Variants in SLC16A7 observed in about 807,000 individuals in gnomAD.
SLC16A7 encodes solute carrier family 16 member 7, also known as monocarboxylate transporter 2.
A neutral mutation model predicts 34.9 loss-of-function variants in SLC16A7; 33 were observed. The observed-to-expected ratio is 0.94, with a 90% CI of 0.72 to 1.26. The LOEUF is 1.26. Ranked by LOEUF, SLC16A7 falls within the 50% of genes most tolerant of loss-of-function variation. The pLI, the probability that SLC16A7 is intolerant of heterozygous loss-of-function variation, is 0.00. For synonymous variants in SLC16A7, 201 were observed against 206.6 expected (o/e 0.97, Z 0.23); for missense variants, 573 against 578.1 (o/e 0.99, Z 0.09).
intron 3 of SLC16A7, among the ~76,000 whole-genome samples, chr12:59,718,284 G>A (rs1875158922): frequency 6.6e-6 from 1 of 152,022 alleles, no homozygotes; most frequent in South Asian, 2.1e-4. Context: ...TTTAAGTAAA[G>A]AGCCTGCATA....
chr12:59,739,264 A>T (rs1261679990), intron 3 of SLC16A7, among the ~76,000 whole-genome samples: 2 of 133,916 alleles, frequency 1.5e-5, no homozygotes, highest in South Asian at 4.9e-4. Context: ...TCATTGTTCA[A>T]TTCCCACCTA....
chr12:59,733,621 C>A, intron 3 of SLC16A7: 1 of 433,298 alleles, frequency 2.3e-6, no homozygotes, highest in Non-Finnish European at 4.6e-6. Context: ...TCCCAAAGGG[C>A]CACAGCTCCT....
chr12:59,779,407 G>GTTCT lies in SLC16A7; in HGVS notation c.1181-13_1181-10dup. 1.3e-6 allele frequency: 2 copies of GTTCT among 1,550,682 alleles called. No individual in the cohort carries two copies. The highest frequency in any genetic ancestry group is 1.7e-6 in the Non-Finnish European group (2 of 1,143,134). On this transcript the variant is annotated splice_polypyrimidine_tract_variant and intron_variant, in intron 5 of 5. Coordinates refer to ENST00000547379, the MANE Select transcript of SLC16A7 (RefSeq NM_001270623.2). ...GTTTTATTATGCCAACTTAAAAGATGTTCTTTGTCTTCTAGGTAAATTGGT... is the reference window on the plus strand; with the variant it reads ...GTTTTATTATGCCAACTTAAAAGATGTTCTTTCTTTGTCTTCTAGGTAAATTGGT...
chr12:59,610,475 T>G (rs2136966244), intron 1 of SLC16A7, among the ~76,000 whole-genome samples: 1 of 152,354 alleles, frequency 6.6e-6, no homozygotes, highest in Admixed American at 6.5e-5. Flanking sequence ...TTGAATATTG[T>G]TTTCTTCTTT....
intron 2 of SLC16A7, among the ~76,000 whole-genome samples, chr12:59,669,209 G>A (rs893587636): frequency 6.6e-6 from 1 of 152,094 alleles, no homozygotes; most frequent in African/African-American, 2.4e-5. Flanking sequence ...AAAATTTAAA[G>A]TATGAATAAT....
At chr12:59,599,176 G>C (rs1878568190) in intron 1 of SLC16A7, among the ~76,000 whole-genome samples, 1 of 152,164 alleles carries the variant, frequency 6.6e-6, no homozygotes, top group Non-Finnish European at 1.5e-5. Flanking sequence ...CAGAACAACT[G>C]ATTATAGAAA....
At chr12:59,628,497 G>A (rs780141070) in intron 1 of SLC16A7, among the ~76,000 whole-genome samples, 4 of 151,622 alleles carry the variant, frequency 2.6e-5, no homozygotes, top group South Asian at 2.1e-4. Flanking sequence ...AAATTACGCC[G>A]GAGTCCCATA....
chr12:59,697,081 A>T (rs1872384291), intron 2 of SLC16A7, among the ~76,000 whole-genome samples: 1 of 152,000 alleles, frequency 6.6e-6, no homozygotes, highest in African/African-American at 2.4e-5. Flanking sequence ...GTAGCATCTG[A>T]GAAAATAGCT....
chr12:59,742,724 C>T (rs75140297), intron 3 of SLC16A7, among the ~76,000 whole-genome samples: 3 of 152,136 alleles, frequency 2.0e-5, no homozygotes, highest in Admixed American at 2.0e-4. Flanking sequence ...ATATTTTAGG[C>T]TCTGCTGAAA....
At chr12:59,597,880 A>G (rs1019047791) in intron 1 of SLC16A7, among the ~76,000 whole-genome samples, 6 of 152,216 alleles carry the variant, frequency 3.9e-5, no homozygotes, top group Non-Finnish European at 1.5e-5. Context: ...CCCCCAAGGC[A>G]TGTTTGAATA....
chr12:59,644,500 G>A (rs1324002889), intron 1 of SLC16A7, among the ~76,000 whole-genome samples: 1 of 152,152 alleles, frequency 6.6e-6, no homozygotes, highest in Non-Finnish European at 1.5e-5. Flanking sequence ...CTTGGAGGTG[G>A]AAACTGCAGT....
intron 3 of SLC16A7, among the ~76,000 whole-genome samples, chr12:59,712,895 T>C (rs1049929827): frequency 1.3e-5 from 2 of 152,206 alleles, no homozygotes; most frequent in African/African-American, 2.4e-5. Flanking sequence ...GGATATATGA[T>C]AGATACATGT....
intron 1 of SLC16A7, among the ~76,000 whole-genome samples, chr12:59,645,232 T>A (rs1223061660): frequency 6.6e-6 from 1 of 152,122 alleles, no homozygotes; most frequent in African/African-American, 2.4e-5. Flanking sequence ...TATTATTGGA[T>A]GTAGTGCAAG....
rs775354578 is a variant in SLC16A7, at chr12:59,704,941, T to C, written c.140T>C (p.Ile47Thr). The stretch of plus-strand genomic sequence containing the variant: ...GCTGTCACCGTATTCTTCAAAGAAA[T>C]TCAGCAAATATTCCACACTACCTAC... ...PKAVTVFFKE[I>T]QQIFHTTYSE... The change falls in exon 3 of 6, where the codon ATT (isoleucine) becomes ACT (threonine). Residue 47 changes from isoleucine (I) to threonine (T), a missense_variant. Transcript: ENST00000547379. 1.2e-6 allele frequency: 2 copies of C among 1,613,862 alleles called. No individual in the cohort carries two copies. Among genetic ancestry groups the C allele is most frequent in the South Asian group, 1.1e-5 (1 of 91,076 alleles).
chr12:59,652,869 T>G (rs1164188088), intron 1 of SLC16A7, among the ~76,000 whole-genome samples: 1 of 151,858 alleles, frequency 6.6e-6, no homozygotes, highest in Non-Finnish European at 1.5e-5. Flanking sequence ...GATTTACACA[T>G]GCATGCTTCA....
intron 3 of SLC16A7, among the ~76,000 whole-genome samples, chr12:59,752,504 C>A (rs192391674): frequency 1.3e-5 from 2 of 151,944 alleles, no homozygotes; most frequent in African/African-American, 4.8e-5. Flanking sequence ...AAAGGGTATC[C>A]GTGATGGAAG....
chr12:59,747,321 A>T (rs2706285), intron 3 of SLC16A7, among the ~76,000 whole-genome samples: 91,447 of 152,110 alleles, frequency 0.6, 28,251 homozygotes, highest in African/African-American at 0.76. Context: ...AATAAAATCA[A>T]TAAATAACTC....
chr12:59,758,460 G>A (rs777249206), intron 3 of SLC16A7, among the ~76,000 whole-genome samples: 19 of 151,798 alleles, frequency 1.3e-4, no homozygotes, highest in Admixed American at 8.5e-4. Flanking sequence ...CTCAAAAAGG[G>A]GAGTAGAATC....
intron 1 of SLC16A7, among the ~76,000 whole-genome samples, chr12:59,620,445 A>G (rs1021638598): frequency 6.6e-6 from 1 of 152,006 alleles, no homozygotes; most frequent in Non-Finnish European, 1.5e-5. Flanking sequence ...GTATCAACCA[A>G]TTGACCTTGC....
Sources: allele counts gnomAD v4.1 joint callset (sites outside exome capture counted in the v4.1 genomes callset), GRCh38; gene constraint gnomAD v4.1.1; transcripts MANE v1.5; gene names NCBI Gene and HGNC (gene_info 2026-07-23, HGNC 2026-07-21).